The following MASTL variants were observed in gnomAD, a reference collection of about 807,000 sequenced individuals.
The protein encoded by MASTL is serine/threonine-protein kinase greatwall.
MASTL carries 54 observed loss-of-function variants against 82.5 expected under a neutral mutation model. That is an observed-to-expected ratio of 0.65 (90% CI 0.53 to 0.82). MASTL has a LOEUF of 0.82. MASTL is among the 40% of genes least tolerant of loss of function. The pLI is 0.00. For synonymous variants in MASTL, 323 were observed against 368.9 expected, an observed-to-expected ratio of 0.88 and a Z score of 1.43; for missense variants, 950 against 1,047.8, an observed-to-expected ratio of 0.91 and a Z score of 1.29.
chr10:27,180,458 C>T (rs2058237641), intron 9 of MASTL, among the ~76,000 whole-genome samples: 1 of 152,156 alleles, frequency 6.6e-6, no homozygotes, highest in Non-Finnish European at 1.5e-5. Flanking sequence ...GTGGCGTGAT[C>T]TCGGCTCACT....
At chr10:27,161,587 T>C (rs533632062) in intron 4 of MASTL, among the ~76,000 whole-genome samples, 1 of 152,020 alleles carries the variant, frequency 6.6e-6, no homozygotes, top group Admixed American at 6.6e-5. Context: ...AGAGACTACA[T>C]TTCATTAACT....
chr10:27,163,113 C>T (rs751237172), intron 4 of MASTL, among the ~76,000 whole-genome samples: 6 of 152,100 alleles, frequency 3.9e-5, no homozygotes, highest in Non-Finnish European at 8.8e-5. Flanking sequence ...GACACAGTTT[C>T]ACCATGTTGG....
chr10:27,178,650 G>T (rs2058178707), intron 9 of MASTL, among the ~76,000 whole-genome samples: 1 of 151,222 alleles, frequency 6.6e-6, no homozygotes, highest in African/African-American at 2.4e-5. Context: ...GGTATGTGTG[G>T]CATATCCATA....
intron 7 of MASTL, among the ~76,000 whole-genome samples, chr10:27,167,520 A>G (rs908127631): frequency 2.6e-5 from 4 of 152,214 alleles, no homozygotes; most frequent in Admixed American, 6.5e-5. Context: ...TAAATTGATA[A>G]TAAATGCTTG....
chr10:27,165,242 TAA>T, intron 5 of MASTL, 72 bp downstream of exon 5: 1 of 1,360,946 alleles, frequency 7.3e-7, no homozygotes. Context: ...AAATCACCTT[TAA>T]AAAAAAAGAT....
Position 27,167,205 on chromosome 10 carries a change from A to G in MASTL, c.915A>G (p.Gln305=), listed in dbSNP as rs780776859. The change falls in exon 7 of 12, where the codon CAA becomes CAG. Residue 305 remains glutamine (Q), a synonymous_variant. Transcript: ENST00000375940. The part of the protein sequence containing the change: ...KRLATSSASS[Q]SHTFISSVES... ...TGGCCACATCCAGTGCCAGTAGTCA[A>G]TCCCACACCTTCATATCCAGTGTGG... 3.7e-6 allele frequency: 6 copies of G among 1,614,126 alleles called. No homozygotes were observed. Among genetic ancestry groups the G allele is most frequent in the African/African-American group, 1.3e-5 (1 of 75,058 alleles).
chr10:27,165,581 A>C, intron 6 of MASTL, 42 bp downstream of exon 6: 1 of 1,586,114 alleles, frequency 6.3e-7, no homozygotes. Flanking sequence ...AGAGGCTTAC[A>C]CCTGTAATAC....
At chr10:27,183,475 G>T (rs552317782) in intron 11 of MASTL, among the ~76,000 whole-genome samples, 1 of 152,120 alleles carries the variant, frequency 6.6e-6, no homozygotes, top group East Asian at 1.9e-4. Context: ...AGTAGAGATG[G>T]GGTTTCACCA....
At chr10:27,155,233 G>A, upstream of MASTL, 1 of 615,560 alleles carries the variant, frequency 1.6e-6, no homozygotes, top group Non-Finnish European at 2.8e-6. Flanking sequence ...AGAGTGTAAG[G>A]CTGCGAAGTC....
intron 6 of MASTL, 95 bp from the exon 7 acceptor site, chr10:27,166,987 AATACATATTAATATGTAATT>A: frequency 8.0e-6 from 1 of 124,594 alleles, no homozygotes; most frequent in Non-Finnish European, 1.7e-5. Context: ...TGTAATTCTT[AATACATATTAATATGTAATT>A]CTTGATACTT....
At chr10:27,178,359 G>A (rs1366098726) in intron 9 of MASTL, among the ~76,000 whole-genome samples, 2 of 143,790 alleles carry the variant, frequency 1.4e-5, no homozygotes, top group Non-Finnish European at 3.0e-5. Flanking sequence ...TTACACCACT[G>A]CACTCCAGCC....
In MASTL at chr10:27,159,665, T is replaced by C. The variant is rs753383543; in HGVS notation, c.371T>C (p.Ile124Thr). The C allele has an allele frequency of 3.8e-6, 6 of 1,573,456 alleles. No individual in the cohort carries two copies. The East Asian group carries it at 1.3e-4, about 35-fold the overall frequency. Residue 124 changes from isoleucine to threonine, a missense_variant, in exon 3 of 12, where the codon ATA becomes ACA. Coordinates refer to ENST00000375940, the MANE Select transcript of MASTL (RefSeq NM_001172303.3). This position sits in a 1 kb window ranked among gnomAD's most constrained non-coding sequence, Gnocchi z 4.0. Reference protein sequence around the residue: ...IGGDVKSLLHIYGYFDEEMAV... With the variant: ...IGGDVKSLLHTYGYFDEEMAV... ...GGAGATGTCAAGTCTCTCCTACATATATATGGTTATTTTGATGAAGAGATG... is the reference window on the plus strand; with the variant it reads ...GGAGATGTCAAGTCTCTCCTACATACATATGGTTATTTTGATGAAGAGATG...
intron 9 of MASTL, among the ~76,000 whole-genome samples, chr10:27,175,771 TCTA>T (rs1034679225): frequency 6.6e-6 from 1 of 152,138 alleles, no homozygotes; most frequent in African/African-American, 2.4e-5. Context: ...TATTCAGTAT[TCTA>T]CTGATCTTTC....
intron 7 of MASTL, 46 bp from the exon 8 acceptor site, chr10:27,169,898 A>G: frequency 6.3e-7 from 1 of 1,593,076 alleles, no homozygotes; most frequent in Non-Finnish European, 8.6e-7. Context: ...AAGGTCAATG[A>G]ATCTCAGCTT....
chr10:27,186,649 C>T lies in MASTL; in HGVS notation c.*113C>T, dbSNP rs2136291810. On this transcript the variant is annotated 3_prime_UTR_variant, in exon 12 of 12. Coordinates refer to ENST00000375940, the MANE Select transcript of MASTL (RefSeq NM_001172303.3). ...GGAAAGATCATTATTTAACCTAGTT[C>T]AATGTGCTTTTAATGTACGTTACAG... is the stretch of plus-strand genomic sequence containing the variant. The T allele has an allele frequency of 2.0e-6, 2 of 1,002,026 alleles. No homozygotes were observed. Among genetic ancestry groups the T allele is most frequent in the Non-Finnish European group, 1.6e-6 (1 of 630,640 alleles). 62.1% of individuals were successfully genotyped at this position (1,002,026 alleles called of 1,614,324 possible).
At chr10:27,175,885 T>G (rs2058086404) in intron 9 of MASTL, among the ~76,000 whole-genome samples, 1 of 152,068 alleles carries the variant, frequency 6.6e-6, no homozygotes, top group Non-Finnish European at 1.5e-5. Context: ...TCACTTGAGG[T>G]CAGGAGTTCA....
rs1301124242 is a variant in MASTL, at chr10:27,186,779, A to T, written c.*243A>T. On this transcript the variant is annotated 3_prime_UTR_variant, in exon 12 of 12. Coordinates refer to ENST00000375940, the MANE Select transcript of MASTL (RefSeq NM_001172303.3). Reference sequence around the variant, plus strand: ...CTTTTTTCATTTATTTATTTTGTTTATTGCACTTTATGAAAACTGAAGCAT... The same window carrying T: ...CTTTTTTCATTTATTTATTTTGTTTTTTGCACTTTATGAAAACTGAAGCAT... 2.1e-6 allele frequency: 1 copy of T among 487,398 alleles called. No homozygotes were observed. 30.2% of individuals were successfully genotyped at this position (487,398 alleles called of 1,614,324 possible).
In MASTL at chr10:27,155,401, G is replaced by A. The variant is rs1439918049; in HGVS notation, c.-26G>A. The stretch of plus-strand genomic sequence containing the variant: ...GGCTGCTCGCGGAGGGGCAGTGTCT[G>A]CGGGGCCGCTGTATGCTGTCCAGCG... On this transcript the variant is annotated 5_prime_UTR_variant, in exon 1 of 12. Coordinates refer to ENST00000375940, the MANE Select transcript of MASTL (RefSeq NM_001172303.3). 7 of 1,581,682 alleles carry A rather than the reference G, an allele frequency of 4.4e-6. No individual in the cohort carries two copies. In the East Asian group the frequency reaches 1.2e-4, roughly 26 times the overall value.
Position 27,158,781 on chromosome 10 carries a change from ATTT to A in MASTL, c.324+96_324+98del, listed in dbSNP as rs1174262758. On this transcript the variant is annotated intron_variant, in intron 2 of 11. Coordinates refer to ENST00000375940, the MANE Select transcript of MASTL (RefSeq NM_001172303.3). ...CCATGTTTTGGTTCAGAGTGCTTGC[ATTT>A]GAATTCTGGCTGCACTCACTGCCTT... The A allele has an allele frequency of 4.4e-6, 6 of 1,373,688 alleles. No individual in the cohort carries two copies. The East Asian group carries it at 1.1e-4, about 26-fold the overall frequency. 85.1% of individuals were successfully genotyped at this position (1,373,688 alleles called of 1,614,324 possible). A position where few individuals can be genotyped will look rare whatever the true frequency, so the allele number is the denominator to read the frequency against.
Sources: gnomAD v4.1 joint callset for allele counts (sites outside exome capture counted in the v4.1 genomes callset) on GRCh38, gnomAD v4.1.1 for gene constraint, Gnocchi (gnomAD v3.1) non-coding constraint, MANE v1.5 for transcripts, NCBI Gene and HGNC (gene_info 2026-07-23, HGNC 2026-07-21) for gene names.